Variants in COL4A6 observed in about 807,000 individuals in gnomAD.
COL4A6 encodes the protein collagen type IV alpha 6 chain, also known as collagen alpha-6(IV) chain.
In COL4A6, 59 loss-of-function variants were observed where a neutral mutation model predicts 126.7. That is an observed-to-expected ratio of 0.47 (90% confidence interval 0.38 to 0.58). The LOEUF (loss-of-function observed/expected upper bound fraction) is 0.58. COL4A6 is among the 20% of genes least tolerant of loss of function. COL4A6 has a pLI of 0.00. For synonymous variants in COL4A6, 547 were observed against 496.6 expected (o/e 1.10, Z -1.35); for missense variants, 1,285 against 1,337.3 (o/e 0.96, Z 0.61).
chrX:108,308,954 G>A (rs186656131), intron 3 of COL4A6, among the ~76,000 whole-genome samples: 1 of 111,502 alleles, frequency 9.0e-6, no homozygotes, highest in East Asian at 2.8e-4. Flanking sequence ...TCAAAAGGGT[G>A]GCTGAATTAA....
chrX:108,266,647 A>T (rs893784691), intron 3 of COL4A6, among the ~76,000 whole-genome samples: 1 of 111,778 alleles, frequency 8.9e-6, no homozygotes, highest in Non-Finnish European at 1.9e-5. Context: ...AGCATATAAT[A>T]TGTAAGTATA....
chrX:108,305,927 A>G (rs761557800), intron 3 of COL4A6, among the ~76,000 whole-genome samples: 1 of 112,389 alleles, frequency 8.9e-6, no homozygotes, highest in African/African-American at 3.2e-5. Context: ...CAAGAAATTG[A>G]CAATGCCAAT....
At chrX:108,308,987 CT>C (rs2038695781) in intron 3 of COL4A6, among the ~76,000 whole-genome samples, 1 of 111,404 alleles carries the variant, frequency 9.0e-6, no homozygotes, top group South Asian at 3.8e-4. Context: ...AGAAAAAGAT[CT>C]TAAGGACACG....
At chrX:108,305,732 G>T (rs1382186540) in intron 3 of COL4A6, among the ~76,000 whole-genome samples, 1 of 111,850 alleles carries the variant, frequency 8.9e-6, no homozygotes, top group East Asian at 2.8e-4. Context: ...GTAGGGAAAG[G>T]AAAGAGAAGA....
intron 2 of COL4A6, among the ~76,000 whole-genome samples, chrX:108,353,224 T>C (rs1187633269): frequency 8.9e-6 from 1 of 112,021 alleles, no homozygotes; most frequent in Non-Finnish European, 1.9e-5. Flanking sequence ...GTTGTACTCA[T>C]GTAAATTTCC....
chrX:108,368,849 C>T (rs764686666), intron 2 of COL4A6, among the ~76,000 whole-genome samples: 15 of 111,200 alleles, frequency 1.3e-4, no homozygotes, highest in Non-Finnish European at 2.5e-4. Flanking sequence ...CTTCCACCTC[C>T]ACATCTCATC....
At chrX:108,413,442 T>TTTTTC (rs1438904509) in intron 2 of COL4A6, among the ~76,000 whole-genome samples, 4 of 110,929 alleles carry the variant, frequency 3.6e-5, no homozygotes, top group African/African-American at 6.6e-5. Flanking sequence ...AAGCATTTCT[T>TTTTTC]TTTTCTTTTC....
At chrX:108,355,524 T>TAA (rs2039941169) in intron 2 of COL4A6, among the ~76,000 whole-genome samples, 2 of 112,332 alleles carry the variant, frequency 1.8e-5, no homozygotes, top group African/African-American at 6.5e-5. Flanking sequence ...CCCATGGAGC[T>TAA]TATGTTCTGG....
intron 29 of COL4A6, 105 bp from the exon 30 acceptor site, chrX:108,175,320 G>C: frequency 1.0e-6 from 1 of 962,807 alleles, no homozygotes; most frequent in Non-Finnish European, 1.4e-6. Context: ...CCCTCTTTTG[G>C]GGCCTTTCCA....
chrX:108,404,588 T>G (rs2041165472), intron 2 of COL4A6, among the ~76,000 whole-genome samples: 2 of 112,166 alleles, frequency 1.8e-5, no homozygotes, highest in East Asian at 2.8e-4. Flanking sequence ...AAACATACAT[T>G]AAGGCAAAAG....
At chrX:108,354,207 A>G (rs149882458) in intron 2 of COL4A6, among the ~76,000 whole-genome samples, 30 of 111,558 alleles carry the variant, frequency 2.7e-4, no homozygotes, top group Middle Eastern at 4.7e-3. Context: ...TAGAAAGATT[A>G]ATACAAGGGA....
At chrX:108,239,751 T>G (rs1354132520) in intron 3 of COL4A6, among the ~76,000 whole-genome samples, 1 of 112,042 alleles carries the variant, frequency 8.9e-6, no homozygotes, top group Non-Finnish European at 1.9e-5. Flanking sequence ...ATTGGTTTAC[T>G]GGCCTTTTAC....
intron 2 of COL4A6, among the ~76,000 whole-genome samples, chrX:108,342,982 G>T (rs768067039): frequency 3.7e-5 from 4 of 108,749 alleles, no homozygotes; most frequent in Non-Finnish European, 7.6e-5. Context: ...TCATAGAGTT[G>T]TTCCAAGTGA....
In COL4A6 at chrX:108,187,120, G is replaced by T; in HGVS notation, c.1927C>A (p.Gln643Lys). Residue 643 changes from glutamine (Q) to lysine (K), a missense_variant, in exon 23 of 45, where the codon CAA becomes AAA. Coordinates refer to ENST00000334504, the MANE Select transcript of COL4A6 (RefSeq NM_033641.4). ...CCCTTAGATCCGGGAAGGCCTTGTT[G>T]TCCCGGTAATCCATCCTTGCCTTTA... The part of the protein sequence containing the change: ...GDKGKDGLPG[Q>K]QGLPGSKGIT... 1.7e-6 allele frequency: 2 copies of T among 1,169,490 alleles called. No homozygotes were observed.
intron 3 of COL4A6, among the ~76,000 whole-genome samples, chrX:108,238,403 G>A (rs939309906): frequency 1.8e-5 from 2 of 109,508 alleles, no homozygotes; most frequent in African/African-American, 3.3e-5. Context: ...CACCACACCC[G>A]GGCGTGTGTG....
At chrX:108,413,631 T>C (rs1190180372) in intron 2 of COL4A6, among the ~76,000 whole-genome samples, 1 of 111,038 alleles carries the variant, frequency 9.0e-6, no homozygotes, top group African/African-American at 3.3e-5. Flanking sequence ...GCTAATTCTT[T>C]GTATTTTTAG....
intron 3 of COL4A6, among the ~76,000 whole-genome samples, chrX:108,298,900 A>C (rs2038409264): frequency 9.0e-6 from 1 of 110,779 alleles, no homozygotes; most frequent in African/African-American, 3.3e-5. Flanking sequence ...TTTAAAAAGT[A>C]AAATTCAGGG....
chrX:108,210,058 T>C (rs2035658345), intron 7 of COL4A6, 54 bp from the exon 8 acceptor site: 1 of 1,117,287 alleles, frequency 9.0e-7, no homozygotes, highest in African/African-American at 1.8e-5. Flanking sequence ...CCTGCAATAT[T>C]TCAGATAACT....
At chrX:108,317,954 A>G (rs1476688052) in intron 2 of COL4A6, among the ~76,000 whole-genome samples, 2 of 111,323 alleles carry the variant, frequency 1.8e-5, no homozygotes, top group Non-Finnish European at 3.8e-5. Context: ...GTTTTTTCCA[A>G]TTCTGTGAAG....
Sources: allele counts gnomAD v4.1 joint callset (sites outside exome capture counted in the v4.1 genomes callset), GRCh38; gene constraint gnomAD v4.1.1; transcripts MANE v1.5; gene names NCBI Gene and HGNC (gene_info 2026-07-23, HGNC 2026-07-21).